The following LY86 variants were observed in gnomAD, a reference collection of about 807,000 sequenced individuals.
The protein encoded by LY86 is lymphocyte antigen 86.
A neutral mutation model predicts 17.3 loss-of-function variants in LY86; 20 were observed. The ratio of observed to expected loss-of-function variants is 1.15; its 90% CI spans 0.81 to 1.68. The LOEUF is 1.68. Among genes scored for constraint, LY86 ranks in the 40% most tolerant of loss-of-function variants. LY86 has a pLI of 0.00. For missense variants in LY86, 200 were observed against 191.9 expected, an observed-to-expected ratio of 1.04 and a Z score of -0.25; for synonymous variants, 74 against 70.6, an observed-to-expected ratio of 1.05 and a Z score of -0.24.
chr6:6,601,732 A>G (rs1033807907), intron 1 of LY86, among the ~76,000 whole-genome samples: 1 of 151,874 alleles, frequency 6.6e-6, no homozygotes, highest in African/African-American at 2.4e-5. Context: ...AAAAAAAAGA[A>G]AAAAAAAGAA....
intron 3 of LY86, among the ~76,000 whole-genome samples, chr6:6,643,254 A>G (rs1322986825): frequency 6.6e-6 from 1 of 152,238 alleles, no homozygotes; most frequent in Non-Finnish European, 1.5e-5. Flanking sequence ...TAGTCACAGT[A>G]GCCAAGATGT....
At chr6:6,605,177 AATG>A (rs751139145) in intron 1 of LY86, among the ~76,000 whole-genome samples, 8 of 152,204 alleles carry the variant, frequency 5.3e-5, no homozygotes, top group South Asian at 2.1e-4. Flanking sequence ...TAATGATGAT[AATG>A]ATGAATTTGG....
intron 3 of LY86, among the ~76,000 whole-genome samples, chr6:6,630,825 G>T (rs148308100): frequency 6.6e-6 from 1 of 152,170 alleles, no homozygotes; most frequent in Non-Finnish European, 1.5e-5. Flanking sequence ...TCTGAATAGA[G>T]ATGTGCTGTA....
intron 1 of LY86, among the ~76,000 whole-genome samples, chr6:6,617,062 G>A (rs975082017): frequency 1.3e-5 from 2 of 152,214 alleles, no homozygotes; most frequent in African/African-American, 4.8e-5. Flanking sequence ...GAGCAGACTA[G>A]CATTTATCCA....
intron 3 of LY86, among the ~76,000 whole-genome samples, chr6:6,633,376 T>C (rs1761921209): frequency 6.6e-6 from 1 of 152,340 alleles, no homozygotes; most frequent in African/African-American, 2.4e-5. Flanking sequence ...TTTCTTTCTT[T>C]TTAAAAATTG....
At chr6:6,599,862 A>ATT (rs1760842714) in intron 1 of LY86, among the ~76,000 whole-genome samples, 1 of 151,932 alleles carries the variant, frequency 6.6e-6, no homozygotes, top group Non-Finnish European at 1.5e-5. Context: ...TCCCAGGCAA[A>ATT]CTGCTTCTTA....
intron 3 of LY86, among the ~76,000 whole-genome samples, chr6:6,646,254 A>G (rs1762105550): frequency 6.6e-6 from 1 of 152,116 alleles, no homozygotes; most frequent in Non-Finnish European, 1.5e-5. Flanking sequence ...CCCAATTAAT[A>G]GAAAAAAGAG....
At chr6:6,639,551 C>T (rs1001052621) in intron 3 of LY86, among the ~76,000 whole-genome samples, 5 of 152,286 alleles carry the variant, frequency 3.3e-5, no homozygotes, top group African/African-American at 4.8e-5. Flanking sequence ...CCGGCTTTCT[C>T]GCCTTTTTCA....
At chr6:6,646,820 C>T (rs1250892141) in intron 3 of LY86, among the ~76,000 whole-genome samples, 1 of 152,154 alleles carries the variant, frequency 6.6e-6, no homozygotes, top group African/African-American at 2.4e-5. Context: ...AAACTCCAAC[C>T]CAACCATTGA....
At chr6:6,651,844 T>C (rs1326957073) in intron 4 of LY86, among the ~76,000 whole-genome samples, 1 of 151,730 alleles carries the variant, frequency 6.6e-6, no homozygotes, top group East Asian at 1.9e-4. Context: ...TCACTTGAGG[T>C]TGGAAGTTCA....
At chr6:6,607,489 CAAT>C (rs1287045733) in intron 1 of LY86, among the ~76,000 whole-genome samples, 4 of 150,794 alleles carry the variant, frequency 2.7e-5, no homozygotes, top group South Asian at 2.1e-4. Context: ...ATAAACAAAA[CAAT>C]AAAAACAAAA....
intron 1 of LY86, among the ~76,000 whole-genome samples, chr6:6,606,397 C>T (rs113860123): frequency 3.3e-5 from 5 of 152,326 alleles, no homozygotes; most frequent in South Asian, 2.1e-4. Flanking sequence ...CTCAGGATCC[C>T]AGCTGGCTTC....
chr6:6,628,515 A>G (rs1761841945), intron 3 of LY86, among the ~76,000 whole-genome samples: 1 of 151,774 alleles, frequency 6.6e-6, no homozygotes, highest in Non-Finnish European at 1.5e-5. Context: ...ATCCAGACCT[A>G]GCTCAAGTAT....
chr6:6,650,340 GTTT>G (rs139329401), intron 4 of LY86, among the ~76,000 whole-genome samples: 1,916 of 148,074 alleles, frequency 0.013, 20 homozygotes, highest in African/African-American at 0.028. Flanking sequence ...TCAGATAATG[GTTT>G]TTTTTTTTTT....
intron 1 of LY86, among the ~76,000 whole-genome samples, chr6:6,610,433 G>T (rs1761302795): frequency 6.6e-6 from 1 of 152,218 alleles, no homozygotes; most frequent in Admixed American, 6.5e-5. Context: ...CAGAGTCTGG[G>T]CTCCACTGCC....
intron 1 of LY86, among the ~76,000 whole-genome samples, chr6:6,603,603 C>CAAAAAAAAAAAAAAAAAAAAAAAA (rs1207511602): frequency 4.3e-5 from 3 of 70,460 alleles, no homozygotes; most frequent in Non-Finnish European, 6.4e-5. Flanking sequence ...AAAACAGAAA[C>CAAAAAAAAAAAAAAAAAAAAAAAA]AGAAAAAAAA....
At chr6:6,636,593 A>G (rs1328813355) in intron 3 of LY86, among the ~76,000 whole-genome samples, 1 of 152,214 alleles carries the variant, frequency 6.6e-6, no homozygotes. Flanking sequence ...TAGCAGGAAG[A>G]TGCCTTTGGT....
intron 1 of LY86, among the ~76,000 whole-genome samples, chr6:6,612,163 T>TG (rs1308569276): frequency 6.8e-6 from 1 of 146,698 alleles, no homozygotes; most frequent in Non-Finnish European, 1.5e-5. Flanking sequence ...GTCCACAATT[T>TG]GGGGGTTCTT....
chr6:6,602,490 A>G (rs929105873), intron 1 of LY86, among the ~76,000 whole-genome samples: 10 of 152,228 alleles, frequency 6.6e-5, no homozygotes, highest in South Asian at 2.1e-4. Flanking sequence ...AATTACAGGA[A>G]TTTGCTTAAA....
Sources: gnomAD v4.1 joint callset for allele counts (sites outside exome capture counted in the v4.1 genomes callset) on GRCh38, gnomAD v4.1.1 for gene constraint, MANE v1.5 for transcripts, NCBI Gene and HGNC (gene_info 2026-07-23, HGNC 2026-07-21) for gene names.